WASF3: variants seen among roughly 807,000 people sequenced by gnomAD.
WASF3 encodes the protein actin-binding protein WASF3.
In WASF3, 11 loss-of-function variants were observed where a neutral mutation model predicts 46.6. The ratio of observed to expected loss-of-function variants is 0.24; its 90% CI spans 0.15 to 0.39. WASF3 has a LOEUF of 0.39. Among genes scored for constraint, WASF3 ranks in the 10% least tolerant of loss-of-function variants. The pLI is 1.00. For synonymous variants in WASF3, 242 were observed against 259.7 expected (o/e 0.93, Z 0.65); for missense variants, 576 against 669.8 (o/e 0.86, Z 1.55).
intron 2 of WASF3, among the ~76,000 whole-genome samples, chr13:26,636,619 C>T (rs951986511): frequency 2.0e-5 from 3 of 152,234 alleles, no homozygotes; most frequent in Non-Finnish European, 2.9e-5. Context: ...GCACTGCAGA[C>T]CAGAGCTGTT....
upstream of WASF3, among the ~76,000 whole-genome samples, chr13:26,554,084 C>CT (rs1268537550): frequency 0.013 from 466 of 35,680 alleles, 2 homozygotes; most frequent in Middle Eastern, 0.021. Context: ...TCCTTCCTTC[C>CT]TTCCTTCCTT....
At chr13:26,583,443 C>G (rs1039800104) in intron 1 of WASF3, among the ~76,000 whole-genome samples, 8 of 152,128 alleles carry the variant, frequency 5.3e-5, no homozygotes, top group Non-Finnish European at 1.0e-4. Flanking sequence ...AATGGAAATA[C>G]TTAAAGATGC....
chr13:26,677,941 A>G (rs1883114447), intron 7 of WASF3, among the ~76,000 whole-genome samples: 1 of 152,150 alleles, frequency 6.6e-6, no homozygotes, highest in East Asian at 1.9e-4. Flanking sequence ...TCAAAAATAG[A>G]TGCAGATGGG....
At position 26,681,071 on chromosome 13, in the gene WASF3, T is replaced by G. The variant is rs764492111; in HGVS notation, c.734T>G (p.Val245Gly). Residue 245 changes from valine (V) to glycine (G), a missense_variant, in exon 8 of 10, where the codon GTT becomes GGT. Val to Gly is a moderately radical substitution (Grantham distance 109, BLOSUM62 -3). This residue lies in a region of WASF3 where 295 missense variants were observed against 291.5 expected (regional missense o/e 1.01). Coordinates refer to ENST00000335327, the MANE Select transcript of WASF3 (RefSeq NM_006646.6). ...AATGCCAGGTCACATGCATCGGACG[T>G]TACGGATTACTCTTACCCGGCTACT... ...SPDTRSHASD[V>G]TDYSYPATPN... is the part of the protein sequence containing the mutation. 1 of 1,613,228 alleles carries G rather than the reference T, an allele frequency of 6.2e-7. No homozygotes were observed. Among genetic ancestry groups the G allele is most frequent in the Admixed American group, 1.7e-5 (1 of 59,928 alleles).
Position 26,667,567 on chromosome 13 carries a change from C to G in WASF3, c.319C>G (p.Gln107Glu), listed in dbSNP as rs1020736816. ...MKKAFKSSTV[Q>E]DQQVVSKNSI... is the part of the protein sequence containing the mutation. ...AAAAGCTTTCAAAAGTTCCACAGTC[C>G]AAGACCAGCAAGTGGTTTCAAAGAA... The change falls in exon 5 of 10, where the codon CAA becomes GAA. Residue 107 changes from glutamine (Q) to glutamate (E), a missense_variant. Coordinates refer to ENST00000335327, the MANE Select transcript of WASF3 (RefSeq NM_006646.6). 2 of 1,613,918 alleles carry G rather than the reference C, an allele frequency of 1.2e-6. No homozygotes were observed. Among genetic ancestry groups the G allele is most frequent in the Admixed American group, 3.3e-5 (2 of 60,008 alleles).
chr13:26,680,940 A>G (rs1883205897), intron 7 of WASF3, 114 bp from the exon 8 acceptor site: 6 of 1,337,442 alleles, frequency 4.5e-6, no homozygotes, highest in South Asian at 2.8e-5. Flanking sequence ...AAGCAAATTA[A>G]TGTCTGATTT....
At chr13:26,672,973 G>T (rs1031061780) in intron 6 of WASF3, among the ~76,000 whole-genome samples, 1 of 152,178 alleles carries the variant, frequency 6.6e-6, no homozygotes, top group African/African-American at 2.4e-5. Context: ...TGTGCTCATG[G>T]CTTTGGGAGA....
intron 1 of WASF3, among the ~76,000 whole-genome samples, chr13:26,569,691 T>C (rs893430478): frequency 1.3e-5 from 2 of 152,116 alleles, no homozygotes; most frequent in African/African-American, 4.8e-5. Flanking sequence ...CCAGAGGAAG[T>C]AGATAGACAT....
intron 1 of WASF3, among the ~76,000 whole-genome samples, chr13:26,592,526 A>G (rs140989517): frequency 5.2e-4 from 79 of 152,152 alleles, no homozygotes; most frequent in African/African-American, 1.8e-3. Flanking sequence ...TTGTCCTCAG[A>G]TGGCCTTTCT....
At chr13:26,681,022 A>G (rs781385743) in intron 7 of WASF3, 32 bp from the exon 8 acceptor site, 1 of 1,572,808 alleles carries the variant, frequency 6.4e-7, no homozygotes, top group Non-Finnish European at 8.7e-7. Flanking sequence ...AATTAATTTA[A>G]ATTTCTCCCA....
chr13:26,616,272 G>A (rs917884297), intron 2 of WASF3, among the ~76,000 whole-genome samples: 4 of 152,174 alleles, frequency 2.6e-5, no homozygotes, highest in African/African-American at 9.7e-5. Context: ...TAAGCACTCT[G>A]TATGAACAGT....
rs58237286 is a variant in WASF3, at chr13:26,633,200, C to CTTTTTTTTTTTTTTTTTTTTTTT, written c.-10-9045_-10-9044insTTTTTTTTTTTTTTTTTTTTTTT. Among the ~76,000 whole-genome samples the CTTTTTTTTTTTTTTTTTTTTTTT allele has an allele frequency of 3.6e-4, 33 of 90,434 alleles. 2 individuals are homozygous for CTTTTTTTTTTTTTTTTTTTTTTT. Among genetic ancestry groups the CTTTTTTTTTTTTTTTTTTTTTTT allele is most frequent in the Non-Finnish European group, 5.6e-4 (27 of 47,918 alleles). 59.3% of individuals were successfully genotyped at this position (90,434 alleles called of 152,430 possible). ...AGTTCTGTTTTGATCTTAGTTATTT[C>CTTTTTTTTTTTTTTTTTTTTTTT]TTTTTTTTTTTTTTTTCTTGAGGCA... On this transcript the variant is annotated intron_variant, in intron 2 of 9. Coordinates refer to ENST00000335327, the MANE Select transcript of WASF3 (RefSeq NM_006646.6).
At chr13:26,572,766 T>C (rs1879677737) in intron 1 of WASF3, among the ~76,000 whole-genome samples, 1 of 152,188 alleles carries the variant, frequency 6.6e-6, no homozygotes, top group Non-Finnish European at 1.5e-5. Context: ...TTGGCCAGGC[T>C]GATCATGAAC....
chr13:26,614,778 C>T (rs991866670), intron 2 of WASF3, among the ~76,000 whole-genome samples: 2 of 152,070 alleles, frequency 1.3e-5, no homozygotes, highest in Non-Finnish European at 2.9e-5. Flanking sequence ...CTCACCACAG[C>T]CTTTTGAGAT....
chr13:26,661,810 G>T (rs1441489402), intron 3 of WASF3, among the ~76,000 whole-genome samples: 2 of 152,172 alleles, frequency 1.3e-5, no homozygotes, highest in Non-Finnish European at 2.9e-5. Context: ...GCATCCTAAT[G>T]GGTATGAGAG....
chr13:26,685,743 A>G lies in WASF3; in HGVS notation c.1407A>G (p.Pro469=), dbSNP rs2137528623. The G allele has an allele frequency of 6.2e-7, 1 of 1,608,624 alleles. No individual in the cohort carries two copies. Among genetic ancestry groups the G allele is most frequent in the Non-Finnish European group, 8.5e-7 (1 of 1,176,844 alleles). ...GGGAGCAGGAGGCCAAGCGGGAGCC[A>G]GTGGGGAATGACGTGGCCACGATCC... ...EQREQEAKRE[P]VGNDVATILS... Residue 469 remains proline, a synonymous_variant, in exon 10 of 10, where the codon CCA becomes CCG. Transcript: ENST00000335327.
At chr13:26,647,267 T>G (rs551493358) in intron 3 of WASF3, among the ~76,000 whole-genome samples, 1 of 152,316 alleles carries the variant, frequency 6.6e-6, no homozygotes, top group South Asian at 2.1e-4. Context: ...TGTTTTAATT[T>G]TCAGATTTTT....
At chr13:26,553,001 A>T (rs774367557), upstream of WASF3, among the ~76,000 whole-genome samples, 6 of 152,236 alleles carry the variant, frequency 3.9e-5, no homozygotes, top group Non-Finnish European at 7.3e-5. Context: ...TATATCCAAG[A>T]TTTTGACCAG....
At chr13:26,603,665 A>C (rs1168761487) in intron 1 of WASF3, among the ~76,000 whole-genome samples, 1 of 152,186 alleles carries the variant, frequency 6.6e-6, no homozygotes, top group Admixed American at 6.5e-5. Context: ...GTGTCTCTCT[A>C]CTAAAAATAT....
Sources: gnomAD v4.1 joint callset for allele counts (sites outside exome capture counted in the v4.1 genomes callset) on GRCh38, gnomAD v4.1.1 for gene constraint, gnomAD v4.1.1 regional missense constraint, MANE v1.5 for transcripts, NCBI Gene and HGNC (gene_info 2026-07-23, HGNC 2026-07-21) for gene names.